TMIGD1: variants seen among roughly 807,000 people sequenced by gnomAD.
TMIGD1 encodes transmembrane and immunoglobulin domain containing 1, also known as transmembrane and immunoglobulin domain-containing protein 1.
A neutral mutation model predicts 27.5 loss-of-function variants in TMIGD1; 29 were observed. The observed-to-expected ratio is 1.05, with a 90% CI of 0.78 to 1.44. The LOEUF (loss-of-function observed/expected upper bound fraction) is 1.44, where lower values mean the gene tolerates loss of function less well. TMIGD1 is among the 40% of genes most tolerant of loss of function. The probability of loss-of-function intolerance (pLI) is 0.00; values close to 1 mark genes in which losing one functional copy is unlikely to be tolerated. For synonymous variants in TMIGD1, 109 were observed against 110.3 expected (o/e 0.99, Z 0.07); for missense variants, 334 against 310.6 (o/e 1.08, Z -0.57).
At chr17:30,318,024 A>T (rs1909476230) in intron 5 of TMIGD1, among the ~76,000 whole-genome samples, 1 of 151,906 alleles carries the variant, frequency 6.6e-6, no homozygotes, top group South Asian at 2.1e-4. Context: ...GCTGTGATCA[A>T]GGCACTGCAC....
At chr17:30,322,819 A>G (rs1597681634) in intron 4 of TMIGD1, among the ~76,000 whole-genome samples, 1 of 152,134 alleles carries the variant, frequency 6.6e-6, no homozygotes, top group East Asian at 1.9e-4. Flanking sequence ...TATTCTATAC[A>G]CAAACCGAAG....
intron 2 of TMIGD1, among the ~76,000 whole-genome samples, chr17:30,331,340 C>T (rs1389493331): frequency 2.7e-5 from 4 of 150,232 alleles, no homozygotes; most frequent in Non-Finnish European, 5.9e-5. Flanking sequence ...TTATAGATTG[C>T]CTGATTTATT....
chr17:30,319,261 A>AAAAAAAAAAAAAAAAT, intron 4 of TMIGD1, among the ~76,000 whole-genome samples: 1 of 69,046 alleles, frequency 1.4e-5, no homozygotes, highest in Non-Finnish European at 2.6e-5. Flanking sequence ...AAAAAAAAAA[A>AAAAAAAAAAAAAAAAT]ATATATATAT....
At chr17:30,322,087 C>A (rs1460700528) in intron 4 of TMIGD1, among the ~76,000 whole-genome samples, 1 of 152,100 alleles carries the variant, frequency 6.6e-6, no homozygotes, top group Non-Finnish European at 1.5e-5. Flanking sequence ...CTCGGTCTCC[C>A]AAAGTCCTGG....
At chr17:30,330,084 C>A (rs764686886) in intron 2 of TMIGD1, among the ~76,000 whole-genome samples, 1 of 151,676 alleles carries the variant, frequency 6.6e-6, no homozygotes, top group Non-Finnish European at 1.5e-5. Context: ...GACCTTGCCC[C>A]CAAAAAAAAG....
rs1289789356 is a variant in TMIGD1, at chr17:30,329,351, G to C, written c.261C>G (p.Val87=). 6.2e-7 allele frequency: 1 copy of C among 1,613,992 alleles called. No individual in the cohort carries two copies. The highest frequency in any genetic ancestry group is 8.5e-7 in the Non-Finnish European group (1 of 1,180,030). Residue 87 remains valine, a synonymous_variant, in exon 3 of 7, where the codon GTC becomes GTG. Transcript: ENST00000328886. ...CATTTTCACTGATGGAAGAGACACA[G>C]ACAGAGCTGGAATTGATTTTGTTTC... ...KSGNKINSSS[V]CVSSISENDN...
chr17:30,317,124 A>G, intron 6 of TMIGD1, 69 bp downstream of exon 6: 1 of 1,519,926 alleles, frequency 6.6e-7, no homozygotes, highest in Admixed American at 1.7e-5. Context: ...GAGTTTGTCT[A>G]GAGTGATGCA....
At chr17:30,330,220 T>C (rs535966233) in intron 2 of TMIGD1, among the ~76,000 whole-genome samples, 15 of 117,634 alleles carry the variant, frequency 1.3e-4, no homozygotes, top group Non-Finnish European at 2.3e-4. Context: ...AGGTTAGAAA[T>C]CAATACATAC....
intron 5 of TMIGD1, among the ~76,000 whole-genome samples, chr17:30,317,941 G>T (rs1291164147): frequency 6.6e-6 from 1 of 151,956 alleles, no homozygotes; most frequent in Non-Finnish European, 1.5e-5. Flanking sequence ...GGTGGTGCAT[G>T]CCTGTGGTCC....
At chr17:30,318,575 C>T (rs1909497159) in intron 5 of TMIGD1, among the ~76,000 whole-genome samples, 1 of 152,156 alleles carries the variant, frequency 6.6e-6, no homozygotes, top group African/African-American at 2.4e-5. Flanking sequence ...CCTGGCAACA[C>T]AGCTATTTTC....
At chr17:30,322,380 G>A (rs1040569860) in intron 4 of TMIGD1, among the ~76,000 whole-genome samples, 10 of 152,128 alleles carry the variant, frequency 6.6e-5, no homozygotes, top group African/African-American at 2.2e-4. Context: ...CAAAACAAAG[G>A]GGAAGTAAAG....
intron 3 of TMIGD1, among the ~76,000 whole-genome samples, chr17:30,325,413 C>T (rs1235812707): frequency 2.0e-5 from 3 of 152,138 alleles, no homozygotes; most frequent in Non-Finnish European, 1.5e-5. Context: ...AGTCTTTCTT[C>T]TCTGAGAATT....
Position 30,332,043 on chromosome 17 carries a change from TTAAC to T in TMIGD1, c.82+5_82+8del. On this transcript the variant is annotated splice_donor_5th_base_variant and intron_variant, in intron 2 of 6. Transcript: ENST00000328886. Reference sequence around the variant, plus strand: ...ATCTAAAAAGAGGCCAAAAAGAACTTTAACTTACTTGTCATCTCACGTGGCAGAA... The same window carrying T: ...ATCTAAAAAGAGGCCAAAAAGAACTTTTACTTGTCATCTCACGTGGCAGAA... 2 of 1,599,984 alleles carry T rather than the reference TTAAC, an allele frequency of 1.3e-6. No homozygotes were observed. Among genetic ancestry groups the T allele is most frequent in the Non-Finnish European group, 1.7e-6 (2 of 1,171,164 alleles).
intron 3 of TMIGD1, among the ~76,000 whole-genome samples, chr17:30,328,322 C>A (rs967774939): frequency 6.6e-6 from 1 of 152,082 alleles, no homozygotes; most frequent in Admixed American, 6.6e-5. Context: ...ACACATGAGC[C>A]ACTGTGCCAG....
intron 3 of TMIGD1, among the ~76,000 whole-genome samples, chr17:30,327,821 C>T (rs552334132): frequency 1.3e-5 from 2 of 151,618 alleles, no homozygotes; most frequent in Non-Finnish European, 2.9e-5. Flanking sequence ...CATACTGCAT[C>T]ATTATACCTC....
intron 1 of TMIGD1, among the ~76,000 whole-genome samples, chr17:30,333,162 C>T (rs186109906): frequency 2.0e-5 from 3 of 151,938 alleles, no homozygotes; most frequent in Admixed American, 2.0e-4. Context: ...GGTGCAGTGG[C>T]TCATGCCTGT....
intron 1 of TMIGD1, 146 bp from the exon 2 acceptor site, chr17:30,332,304 A>C: frequency 1.9e-6 from 1 of 525,034 alleles, no homozygotes; most frequent in Non-Finnish European, 3.4e-6. Flanking sequence ...TAATTAAACA[A>C]CCCTGTCTGA....
chr17:30,317,091 C>A, intron 6 of TMIGD1, 102 bp downstream of exon 6: 1 of 1,336,190 alleles, frequency 7.5e-7, no homozygotes. Context: ...AACCCCTTCC[C>A]CTTCCAGCAC....
intron 3 of TMIGD1, among the ~76,000 whole-genome samples, chr17:30,327,187 A>G (rs1185640251): frequency 6.6e-6 from 1 of 152,208 alleles, no homozygotes; most frequent in East Asian, 1.9e-4. Flanking sequence ...CATTGTTGGC[A>G]TTTCTGCCAT....
Sources: gnomAD v4.1 joint callset for allele counts (sites outside exome capture counted in the v4.1 genomes callset) on GRCh38, gnomAD v4.1.1 for gene constraint, MANE v1.5 for transcripts, NCBI Gene and HGNC (gene_info 2026-07-23, HGNC 2026-07-21) for gene names.